RBFOX1: variants seen among roughly 807,000 people sequenced by gnomAD.
The protein encoded by RBFOX1 is RNA binding fox-1 homolog 1.
In RBFOX1, 8 loss-of-function variants were observed where a neutral mutation model predicts 57.7. The observed-to-expected ratio is 0.14, with a 90% CI of 0.08 to 0.25. RBFOX1 has a LOEUF of 0.25. Among genes scored for constraint, RBFOX1 ranks in the 10% least tolerant of loss-of-function variants. The probability of loss-of-function intolerance (pLI) is 1.00; values close to 1 mark genes in which losing one functional copy is unlikely to be tolerated. For synonymous variants in RBFOX1, 326 were observed against 222.4 expected (o/e 1.47, Z -4.15); for missense variants, 611 against 548.5 (o/e 1.11, Z -1.14).
intron 2 of RBFOX1, among the ~76,000 whole-genome samples, chr16:6,564,639 TG>T (rs2097232591): frequency 6.6e-6 from 1 of 151,944 alleles, no homozygotes; most frequent in Non-Finnish European, 1.5e-5. Flanking sequence ...TGGCAAGGTT[TG>T]GGGGTGGGGG....
intron 4 of RBFOX1, among the ~76,000 whole-genome samples, chr16:7,436,606 C>T (rs1203859968): frequency 1.3e-5 from 2 of 152,160 alleles, no homozygotes; most frequent in African/African-American, 2.4e-5. Context: ...AAAGGATTGG[C>T]GCTGGGTTAA....
chr16:5,334,957 C>T (rs985685140), intron 1 of RBFOX1, among the ~76,000 whole-genome samples: 2 of 152,052 alleles, frequency 1.3e-5, no homozygotes. Context: ...TTTAAATCTT[C>T]TTGTAGTATA....
At chr16:6,485,152 G>A (rs1167198337) in intron 2 of RBFOX1, among the ~76,000 whole-genome samples, 5 of 152,208 alleles carry the variant, frequency 3.3e-5, no homozygotes, top group South Asian at 2.1e-4. Context: ...AGCAACAGCT[G>A]CTTGCCACTC....
intron 2 of RBFOX1, among the ~76,000 whole-genome samples, chr16:6,350,206 G>A (rs1273346138): frequency 2.6e-5 from 4 of 151,986 alleles, no homozygotes; most frequent in South Asian, 2.1e-4. Flanking sequence ...GGAGGCTAAG[G>A]CGGGCAGATT....
chr16:6,678,884 T>C (rs1373044306), intron 3 of RBFOX1, among the ~76,000 whole-genome samples: 2 of 152,152 alleles, frequency 1.3e-5, no homozygotes, highest in Non-Finnish European at 2.9e-5. Flanking sequence ...TTTCCAAGTG[T>C]AGCATGAATT....
At chr16:6,851,926 G>GTTTTTT (rs71147610) in intron 3 of RBFOX1, among the ~76,000 whole-genome samples, 3 of 143,592 alleles carry the variant, frequency 2.1e-5, no homozygotes, top group Non-Finnish European at 3.0e-5. Context: ...TTTCCATTGG[G>GTTTTTT]TTTTTTTTTT....
At chr16:7,579,720 C>T (rs549041179) in intron 5 of RBFOX1, 57 bp from the exon 6 acceptor site, 158 of 1,601,628 alleles carry the variant, frequency 9.9e-5, no homozygotes, top group Non-Finnish European at 1.3e-4. Context: ...AAAAGAGCAT[C>T]GGAAGAGAGC....
chr16:7,293,423 G>T (rs1037881761), intron 4 of RBFOX1, among the ~76,000 whole-genome samples: 1 of 152,156 alleles, frequency 6.6e-6, no homozygotes, highest in Admixed American at 6.6e-5. Flanking sequence ...ATCCTTGTCT[G>T]TGTTTTTAAA....
chr16:7,417,650 G>T (rs1033395698), intron 4 of RBFOX1, among the ~76,000 whole-genome samples: 2 of 151,792 alleles, frequency 1.3e-5, no homozygotes, highest in Non-Finnish European at 2.9e-5. Flanking sequence ...AAGATCCTAG[G>T]CTCTACTCTT....
At chr16:6,560,656 T>A (rs74613094) in intron 2 of RBFOX1, among the ~76,000 whole-genome samples, 3 of 152,202 alleles carry the variant, frequency 2.0e-5, no homozygotes, top group Non-Finnish European at 4.4e-5. Flanking sequence ...TAAAATAGGG[T>A]CTTGACTTAC....
At chr16:6,563,718 A>C (rs1443558186) in intron 2 of RBFOX1, among the ~76,000 whole-genome samples, 6 of 152,050 alleles carry the variant, frequency 3.9e-5, no homozygotes, top group Non-Finnish European at 8.8e-5. Flanking sequence ...GGTGGCACAC[A>C]CTGGTAGTAG....
At chr16:7,646,016 C>A (rs1022059965) in intron 11 of RBFOX1, among the ~76,000 whole-genome samples, 2 of 151,298 alleles carry the variant, frequency 1.3e-5, no homozygotes, top group African/African-American at 4.9e-5. Context: ...AAAACCTTTC[C>A]ATTTTTGTTT....
intron 4 of RBFOX1, among the ~76,000 whole-genome samples, chr16:5,901,920 C>T (rs945441832): frequency 1.3e-5 from 2 of 152,192 alleles, no homozygotes; most frequent in Non-Finnish European, 2.9e-5. Context: ...TGGAAGCCTT[C>T]TTTGGTTCTC....
At chr16:5,643,756 T>C (rs7184260) in intron 3 of RBFOX1, among the ~76,000 whole-genome samples, 130,590 of 152,160 alleles carry the variant, frequency 0.86, 58,163 homozygotes, top group Non-Finnish European at 0.97. Flanking sequence ...AGTCACCATT[T>C]TACTGATTCT....
chr16:6,883,614 T>A (rs1038770556), intron 3 of RBFOX1, among the ~76,000 whole-genome samples: 1 of 152,228 alleles, frequency 6.6e-6, no homozygotes, highest in African/African-American at 2.4e-5. Flanking sequence ...GCTGTTCTAC[T>A]CTGTGTTCAG....
intron 3 of RBFOX1, among the ~76,000 whole-genome samples, chr16:6,787,935 C>A (rs576037463): frequency 1.3e-5 from 2 of 152,102 alleles, no homozygotes; most frequent in Non-Finnish European, 2.9e-5. Flanking sequence ...GGTGAAAGGC[C>A]AATGAGGCCG....
At chr16:7,087,467 G>A (rs2060164902) in intron 4 of RBFOX1, among the ~76,000 whole-genome samples, 1 of 151,748 alleles carries the variant, frequency 6.6e-6, no homozygotes, top group African/African-American at 2.4e-5. Flanking sequence ...GTCTGGATTT[G>A]CTCATTAAAC....
At chr16:6,995,512 C>G (rs537415394) in intron 3 of RBFOX1, among the ~76,000 whole-genome samples, 1 of 152,088 alleles carries the variant, frequency 6.6e-6, no homozygotes, top group Non-Finnish European at 1.5e-5. Flanking sequence ...CGCATGTAAT[C>G]CCACTACTTT....
chr16:7,033,348 C>T (rs1459177598), intron 3 of RBFOX1, among the ~76,000 whole-genome samples: 6 of 152,086 alleles, frequency 3.9e-5, no homozygotes, highest in Admixed American at 2.6e-4. Context: ...GGTGAAACCC[C>T]GTCTCTACTA....
Sources: gnomAD v4.1 joint callset for allele counts (sites outside exome capture counted in the v4.1 genomes callset) on GRCh38, gnomAD v4.1.1 for gene constraint, MANE v1.5 for transcripts, NCBI Gene and HGNC (gene_info 2026-07-23, HGNC 2026-07-21) for gene names.